PRCD: variants seen among roughly 807,000 people sequenced by gnomAD.
PRCD encodes photoreceptor disc component.
In PRCD, 12 loss-of-function variants were observed where a neutral mutation model predicts 10.1. The ratio of observed to expected loss-of-function variants is 1.18; its 90% CI spans 0.76 to 1.92. The LOEUF is 1.92. Among genes scored for constraint, PRCD ranks in the 40% most tolerant of loss-of-function variants. The pLI, the probability that PRCD is intolerant of heterozygous loss-of-function variation, is 0.00. For synonymous variants in PRCD, 31 were observed against 26.2 expected (o/e 1.18, Z -0.56); for missense variants, 61 against 72.2 (o/e 0.84, Z 0.56).
At chr17:76,527,605 G>A (rs1444516837), upstream of PRCD, 1 of 453,006 alleles carries the variant, frequency 2.2e-6, no homozygotes, top group Non-Finnish European at 4.4e-6. Flanking sequence ...GCCGACTGCC[G>A]GCCAGGAGGA....
At chr17:76,529,564 C>G in intron 1 of PRCD, 1 of 985,314 alleles carries the variant, frequency 1.0e-6, no homozygotes, top group Non-Finnish European at 1.2e-6. Flanking sequence ...TGTAAAAAAG[C>G]CCTTTTCTCT....
At chr17:76,550,265 C>CT (rs1279616888), downstream of PRCD, 517 of 130,960 alleles carry the variant, frequency 3.9e-3, 4 homozygotes, top group African/African-American at 0.011. Context: ...CTAGAAGGTT[C>CT]TTTTTTTTTT....
Position 76,531,682 on chromosome 17 carries a change from C to T in PRCD, n.45+3849C>T. ...AGTACTGCTTGGCCGAGGGGAAGTT[C>T]ACAAAGAACCTGGCAAGAGGAACAG... On this transcript the variant is annotated intron_variant and non_coding_transcript_variant, in intron 1 of 4. Transcript: ENST00000397633. This position sits in a 1 kb window ranked among gnomAD's most constrained non-coding sequence, Gnocchi z 7.4. 1 of 1,593,388 alleles carries T rather than the reference C, an allele frequency of 6.3e-7. No homozygotes were observed. Among genetic ancestry groups the T allele is most frequent in the African/African-American group, 1.3e-5 (1 of 74,686 alleles).
Position 76,544,710 on chromosome 17 carries a change from C to T in PRCD, c.*1060C>T. 2.2e-6 allele frequency: 1 copy of T among 456,792 alleles called. No homozygotes were observed. Among genetic ancestry groups the T allele is most frequent in the Non-Finnish European group, 4.4e-6 (1 of 226,978 alleles). 28.3% of individuals were successfully genotyped at this position (456,792 alleles called of 1,614,324 possible). ...GGCTGAGGGCCAGAGGGCACTGTTC[C>T]CGGGACCCAGTCTGTGTTCCCCGAT... is the stretch of plus-strand genomic sequence containing the variant. On this transcript the variant is annotated 3_prime_UTR_variant, in exon 5 of 5. Transcript: ENST00000592014.
intron 4 of PRCD, 28 bp downstream of exon 4, chr17:76,543,149 C>A: frequency 2.1e-6 from 1 of 466,972 alleles, no homozygotes; most frequent in Non-Finnish European, 4.5e-6. Context: ...AGCCCGGGAC[C>A]TGCCAGTCTC....
At position 76,544,602 on chromosome 17, in the gene PRCD, T is replaced by C. The variant is rs2075032497; in HGVS notation, c.*952T>C. 2.2e-6 allele frequency: 1 copy of C among 456,602 alleles called. No individual in the cohort carries two copies. Among genetic ancestry groups the C allele is most frequent in the Non-Finnish European group, 4.4e-6 (1 of 226,976 alleles). 28.3% of individuals were successfully genotyped at this position (456,602 alleles called of 1,614,324 possible). A position where few individuals can be genotyped will look rare whatever the true frequency, so the allele number is the denominator to read the frequency against. On this transcript the variant is annotated 3_prime_UTR_variant, in exon 5 of 5. Coordinates refer to ENST00000592014, the MANE Select transcript of PRCD (RefSeq NM_001077620.3). The stretch of plus-strand genomic sequence containing the variant: ...CAGAGCGCCAGCCTGACCCAGGCCG[T>C]GAGCCCGTGATCGCCTGTCTCAGCT...
chr17:76,544,973 G>A lies in PRCD; in HGVS notation c.*1323G>A, dbSNP rs1203752722. On this transcript the variant is annotated 3_prime_UTR_variant, in exon 5 of 5. Transcript: ENST00000592014. ...ATCCAGAGGAAGGGCGGGAAAAAGAGAGGAAGGGGCTGCTGGCGGCCAGCG... is the reference window on the plus strand; with the variant it reads ...ATCCAGAGGAAGGGCGGGAAAAAGAAAGGAAGGGGCTGCTGGCGGCCAGCG... 1 of 456,502 alleles carries A rather than the reference G, an allele frequency of 2.2e-6. No individual in the cohort carries two copies. Among genetic ancestry groups the A allele is most frequent in the Non-Finnish European group, 4.4e-6 (1 of 226,912 alleles). 28.3% of individuals were successfully genotyped at this position (456,502 alleles called of 1,614,324 possible).
upstream of PRCD, chr17:76,537,454 A>G: frequency 1.3e-6 from 2 of 1,598,540 alleles, no homozygotes; most frequent in African/African-American, 1.4e-5. Flanking sequence ...CCGGGCCCAC[A>G]TAGCCTGCAC....
In PRCD at chr17:76,534,367, C is replaced by T. The variant is rs372443127; in HGVS notation, n.46-6138C>T. 2.9e-3 allele frequency among the ~76,000 whole-genome samples: 441 copies of T among 152,228 alleles called. 2 individuals are homozygous for T. Among genetic ancestry groups the T allele is most frequent in the African/African-American group, 9.3e-3 (386 of 41,544 alleles). On this transcript the variant is annotated intron_variant and non_coding_transcript_variant, in intron 1 of 4. Transcript: ENST00000397633. The stretch of plus-strand genomic sequence containing the variant: ...CTAATTTTTGTGTTTTTAGTAGAGA[C>T]GGGGTTTCGCCATGCTGGCCAGGCT...
rs548868483 is a variant in PRCD, at chr17:76,545,151, T to G, written c.*1501T>G. 2.2e-6 allele frequency: 1 copy of G among 456,708 alleles called. No homozygotes were observed. The highest frequency in any genetic ancestry group is 6.9e-5 in the East Asian group (1 of 14,396). The allele number at this position is 456,708 out of a possible 1,614,324, so 28.3% of individuals were successfully genotyped here. On this transcript the variant is annotated 3_prime_UTR_variant, in exon 5 of 5. Coordinates refer to ENST00000592014, the MANE Select transcript of PRCD (RefSeq NM_001077620.3). ...CGCACACCCAGCCCACGCTCGCCTC[T>G]TATTCCCGGGGCCTCTCCCACCCCT... is the stretch of plus-strand genomic sequence containing the variant.
At chr17:76,537,542 T>G, upstream of PRCD, 1 of 1,537,940 alleles carries the variant, frequency 6.5e-7, no homozygotes, top group Non-Finnish European at 8.7e-7. Flanking sequence ...ACTTTCTCCA[T>G]GAGCAGCTCC....
chr17:76,529,597 T>C, intron 1 of PRCD: 1 of 985,056 alleles, frequency 1.0e-6, no homozygotes, highest in Non-Finnish European at 1.2e-6. Flanking sequence ...TCTTGTGTCC[T>C]GGCTGTAAAC....
chr17:76,536,620 G>A (rs184079567), upstream of PRCD, among the ~76,000 whole-genome samples: 13 of 152,264 alleles, frequency 8.5e-5, no homozygotes, highest in Admixed American at 5.9e-4. Flanking sequence ...TGTGAAGAAC[G>A]GGGCGCTCTG....
Position 76,528,418 on chromosome 17 carries a change from C to T in PRCD, n.45+585C>T. 1.6e-6 allele frequency: 1 copy of T among 641,040 alleles called. No homozygotes were observed. The allele number at this position is 641,040 out of a possible 1,614,324, so 39.7% of individuals were successfully genotyped here. On this transcript the variant is annotated intron_variant and non_coding_transcript_variant, in intron 1 of 4. Coordinates refer to the PRCD transcript ENST00000397633. The surrounding 1 kb of genome is among the most constrained non-coding windows in gnomAD (Gnocchi z 5.8). ...AGCCAGCGCCGCCTCCCAGCAGCTC[C>T]AGGGGGGGACCCTGGCCGCCACAGA...
In PRCD at chr17:76,531,771, TG is replaced by T. The variant is rs778714991; in HGVS notation, n.45+3939del. 2.1e-3 allele frequency: 2,437 copies of T among 1,159,684 alleles called. 4 individuals carry two copies. The highest frequency in any genetic ancestry group is 3.3e-3 in the Middle Eastern group (16 of 4,888). The allele number at this position is 1,159,684 out of a possible 1,614,324, so 71.8% of individuals were successfully genotyped here. ...CTGAAGCTTCCAGGATAGTGGGGGC[TG>T]AAGAAGTGGACCGCAGTGCTCCCCA... On this transcript the variant is annotated intron_variant and non_coding_transcript_variant, in intron 1 of 4. Coordinates refer to the PRCD transcript ENST00000397633. The surrounding 1 kb of genome is among the most constrained non-coding windows in gnomAD (Gnocchi z 7.4).
Position 76,544,916 on chromosome 17 carries a change from T to C in PRCD, c.*1266T>C, listed in dbSNP as rs758566247. 16 of 456,610 alleles carry C rather than the reference T, an allele frequency of 3.5e-5. No individual in the cohort carries two copies. The highest frequency in any genetic ancestry group is 5.7e-5 in the Non-Finnish European group (13 of 226,964). The allele number at this position is 456,610 out of a possible 1,614,324, so 28.3% of individuals were successfully genotyped here. A position where few individuals can be genotyped will look rare whatever the true frequency, so the allele number is the denominator to read the frequency against. On this transcript the variant is annotated 3_prime_UTR_variant, in exon 5 of 5. Coordinates refer to ENST00000592014, the MANE Select transcript of PRCD (RefSeq NM_001077620.3). ...CCTCCACGCCACTGTTCCGAGAACC[T>C]GCGCAGGAGGTGGTGGCTGCTCCAG...
chr17:76,538,850 C>T (rs2074954083), upstream of PRCD, among the ~76,000 whole-genome samples: 2 of 152,248 alleles, frequency 1.3e-5, no homozygotes, highest in South Asian at 4.1e-4. Flanking sequence ...CCCGGCGACC[C>T]CTGTCCTCGC....
chr17:76,541,327 G>A (rs1370265271), intron 2 of PRCD, among the ~76,000 whole-genome samples: 4 of 152,164 alleles, frequency 2.6e-5, no homozygotes, highest in Admixed American at 2.0e-4. Context: ...TGACTTTTTT[G>A]CTCCCAGTGA....
chr17:76,547,908 A>G (rs1049228118), downstream of PRCD, among the ~76,000 whole-genome samples: 1 of 128,314 alleles, frequency 7.8e-6, no homozygotes, highest in African/African-American at 4.0e-5. Context: ...CACACATAAC[A>G]CATTCACACA....
Sources: allele counts gnomAD v4.1 joint callset (sites outside exome capture counted in the v4.1 genomes callset), GRCh38; gene constraint gnomAD v4.1.1; non-coding constraint Gnocchi (gnomAD v3.1); transcripts MANE v1.5; gene names NCBI Gene and HGNC (gene_info 2026-07-23, HGNC 2026-07-21).